The following ACTN1 variants were observed in gnomAD, a reference collection of about 807,000 sequenced individuals.
ACTN1 encodes actinin alpha 1, also known as alpha-actinin-1.
In ACTN1, 30 loss-of-function variants were observed where a neutral mutation model predicts 119.6. The ratio of observed to expected loss-of-function variants is 0.25; its 90% CI spans 0.19 to 0.34. The LOEUF is 0.34. ACTN1 is among the 10% of genes least tolerant of loss of function. ACTN1 has a pLI of 1.00. For synonymous variants in ACTN1, 429 were observed against 472.6 expected (o/e 0.91, Z 1.20); for missense variants, 764 against 1,223.4 (o/e 0.62, Z 5.60).
chr14:68,947,743 CAAA>C (rs2035989104), intron 1 of ACTN1, among the ~76,000 whole-genome samples: 1 of 152,166 alleles, frequency 6.6e-6, no homozygotes, highest in Non-Finnish European at 1.5e-5. Flanking sequence ...TTTCTGTCCC[CAAA>C]TATGAGGAAT....
rs116712608 is a variant in ACTN1, at chr14:68,922,213, G to T, written c.221-1088C>A. 8.5e-3 allele frequency among the ~76,000 whole-genome samples: 1,292 copies of T among 152,264 alleles called. 12 individuals are homozygous for T. Among genetic ancestry groups the T allele is most frequent in the African/African-American group, 0.029 (1,212 of 41,562 alleles). On this transcript the variant is annotated intron_variant, in intron 2 of 21. Transcript: ENST00000394419. ...TCCCCAGCAGGTCGACAATCTGGCT[G>T]CGAGGACTCCAGGGACCAGCCACGG... is the stretch of plus-strand genomic sequence containing the variant.
chr14:68,891,083 C>A (rs10130374), intron 10 of ACTN1, among the ~76,000 whole-genome samples: 3,680 of 152,288 alleles, frequency 0.024, 134 homozygotes, highest in African/African-American at 0.063. Context: ...AACTGCATAC[C>A]CACTTGCAAT....
chr14:68,957,761 GA>G (rs1263119839), intron 1 of ACTN1, among the ~76,000 whole-genome samples: 1 of 152,162 alleles, frequency 6.6e-6, no homozygotes, highest in East Asian at 1.9e-4. Flanking sequence ...GCCAGCATGG[GA>G]AGGGGTCTCC....
chr14:68,969,768 C>T (rs1023427858), intron 1 of ACTN1, among the ~76,000 whole-genome samples: 1 of 152,154 alleles, frequency 6.6e-6, no homozygotes, highest in African/African-American at 2.4e-5. Flanking sequence ...CTTCTCTATC[C>T]CCAAACTACA....
chr14:68,933,797 CT>C (rs1409651958), intron 1 of ACTN1, among the ~76,000 whole-genome samples: 2 of 152,012 alleles, frequency 1.3e-5, no homozygotes, highest in African/African-American at 4.8e-5. Context: ...GCCTGGGCAA[CT>C]TCATCTCTAC....
intron 8 of ACTN1, among the ~76,000 whole-genome samples, chr14:68,900,430 G>C (rs1163122465): frequency 6.6e-6 from 1 of 151,980 alleles, no homozygotes; most frequent in Non-Finnish European, 1.5e-5. Flanking sequence ...GGCAGGAAGA[G>C]TTCTCCCTGC....
chr14:68,963,929 AATTC>A (rs1415285593), intron 1 of ACTN1, among the ~76,000 whole-genome samples: 1 of 152,218 alleles, frequency 6.6e-6, no homozygotes, highest in Non-Finnish European at 1.5e-5. Flanking sequence ...GTTTTAAAAA[AATTC>A]ATTCATTTAT....
intron 8 of ACTN1, among the ~76,000 whole-genome samples, chr14:68,894,638 C>A (rs1414190884): frequency 2.6e-5 from 4 of 152,184 alleles, no homozygotes; most frequent in African/African-American, 4.8e-5. Context: ...TCCAACCCTA[C>A]ACCAAGGGGG....
rs1369251921 is a variant in ACTN1 at position 68,884,297 on chromosome 14, T to C, written c.1506A>G (p.Lys502=). ...KRREALERTE[K]LLETIDQLYL... Reference sequence around the variant, plus strand: ...ACAGCTGGTCAATGGTCTCCAGCAGTTTCTCGGTCCGCTGGGAGTGCCAAA... The same window carrying C: ...ACAGCTGGTCAATGGTCTCCAGCAGCTTCTCGGTCCGCTGGGAGTGCCAAA... The change falls in exon 14 of 22, where the codon AAA becomes AAG. Residue 502 remains lysine (K), a synonymous_variant. Coordinates refer to ENST00000394419, the MANE Select transcript of ACTN1 (RefSeq NM_001130004.2). 2 of 1,613,794 alleles carry C rather than the reference T, an allele frequency of 1.2e-6. No homozygotes were observed. The highest frequency in any genetic ancestry group is 1.7e-6 in the Non-Finnish European group (2 of 1,179,884).
chr14:68,939,856 T>C (rs2035704999), intron 1 of ACTN1, among the ~76,000 whole-genome samples: 1 of 152,174 alleles, frequency 6.6e-6, no homozygotes, highest in Non-Finnish European at 1.5e-5. Flanking sequence ...GCCTTTTATA[T>C]CAAGACGTGG....
At chr14:68,956,693 T>A (rs2036361614) in intron 1 of ACTN1, among the ~76,000 whole-genome samples, 1 of 152,108 alleles carries the variant, frequency 6.6e-6, no homozygotes, top group Admixed American at 6.5e-5. Context: ...TGAATACAGC[T>A]TAGGCAGGAG....
chr14:68,880,822 G>A lies in ACTN1; in HGVS notation c.2121C>T (p.Asn707=). 6.2e-7 allele frequency: 1 copy of A among 1,614,170 alleles called. No homozygotes were observed. Among genetic ancestry groups the A allele is most frequent in the East Asian group, 2.2e-5 (1 of 44,882 alleles). ...CAGCCCCACCCACCTCCATGGTGTAGTTGGTGTGCTTGTTGTCGAAGATGA... is the reference window on the plus strand; with the variant it reads ...CAGCCCCACCCACCTCCATGGTGTAATTGGTGTGCTTGTTGTCGAAGATGA... The part of the protein sequence containing the change: ...EALIFDNKHT[N]YTMEHIRVGW... Residue 707 remains asparagine, a synonymous_variant, in exon 17 of 22, where the codon AAC becomes AAT. Transcript: ENST00000394419. This position sits in a 1 kb window ranked among gnomAD's most constrained non-coding sequence, Gnocchi z 4.6.
chr14:68,884,998 C>T, intron 12 of ACTN1, 115 bp from the exon 13 acceptor site: 1 of 844,046 alleles, frequency 1.2e-6, no homozygotes, highest in Non-Finnish European at 1.9e-6. Flanking sequence ...GCCAGGGGCG[C>T]TCCCTTCAAG....
intron 7 of ACTN1, 41 bp downstream of exon 7, chr14:68,904,614 T>C (rs368165343): frequency 1.3e-6 from 2 of 1,564,294 alleles, no homozygotes; most frequent in African/African-American, 1.4e-5. Flanking sequence ...GAGTGGCAGG[T>C]GGGCGATGGG....
intron 11 of ACTN1, among the ~76,000 whole-genome samples, chr14:68,889,871 A>G (rs763867932): frequency 7.9e-5 from 12 of 152,254 alleles, no homozygotes; most frequent in Non-Finnish European, 1.5e-4. Context: ...ACAGCACTGC[A>G]CTATGCAGGA....
At chr14:68,881,936 CTTTTTT>C (rs781067137) in intron 16 of ACTN1, among the ~76,000 whole-genome samples, 3 of 58,398 alleles carry the variant, frequency 5.1e-5, no homozygotes, top group Non-Finnish European at 9.1e-5. Flanking sequence ...TAGGCAGCTT[CTTTTTT>C]TTTTTTTTTT....
At chr14:68,881,865 G>A (rs1024744419) in intron 16 of ACTN1, among the ~76,000 whole-genome samples, 16 of 151,680 alleles carry the variant, frequency 1.1e-4, no homozygotes, top group Admixed American at 9.2e-4. Flanking sequence ...ATCAACAAGA[G>A]ACATCAAGGG....
Position 68,925,683 on chromosome 14 carries a change from A to G in ACTN1, c.106-11T>C. 1 of 1,605,122 alleles carries G rather than the reference A, an allele frequency of 6.2e-7. No individual in the cohort carries two copies. Among genetic ancestry groups the G allele is most frequent in the Non-Finnish European group, 8.5e-7 (1 of 1,174,116 alleles). On this transcript the variant is annotated splice_polypyrimidine_tract_variant and intron_variant, in intron 1 of 21. Coordinates refer to ENST00000394419, the MANE Select transcript of ACTN1 (RefSeq NM_001130004.2). This position sits in a 1 kb window ranked among gnomAD's most constrained non-coding sequence, Gnocchi z 4.3. ...CCATGCCGTGAATGTCTGGGCAGAG[A>G]CAAGAAGGGCAAGTGGTCAGGGGGC... is the stretch of plus-strand genomic sequence containing the variant.
chr14:68,896,124 C>G (rs1348651449), intron 8 of ACTN1, among the ~76,000 whole-genome samples: 4 of 152,182 alleles, frequency 2.6e-5, no homozygotes, highest in African/African-American at 9.6e-5. Context: ...AGGCTGCAGA[C>G]TCCACCGGGT....
Sources: allele counts gnomAD v4.1 joint callset (sites outside exome capture counted in the v4.1 genomes callset), GRCh38; gene constraint gnomAD v4.1.1; non-coding constraint Gnocchi (gnomAD v3.1); transcripts MANE v1.5; gene names NCBI Gene and HGNC (gene_info 2026-07-23, HGNC 2026-07-21).